PATZ1: variants seen among roughly 807,000 people sequenced by gnomAD.
The protein encoded by PATZ1 is POZ-, AT hook-, and zinc finger-containing protein 1.
A neutral mutation model predicts 46.2 loss-of-function variants in PATZ1; 9 were observed. The ratio of observed to expected loss-of-function variants is 0.19; its 90% CI spans 0.12 to 0.34. The LOEUF is 0.34. PATZ1 is among the 10% of genes least tolerant of loss of function. The pLI is 1.00. For missense variants in PATZ1, 632 were observed against 923.0 expected, an observed-to-expected ratio of 0.68 and a Z score of 4.08; for synonymous variants, 426 against 378.6, an observed-to-expected ratio of 1.13 and a Z score of -1.45.
chr22:31,331,115 T>TA (rs745554798), intron 3 of PATZ1, among the ~76,000 whole-genome samples: 8 of 152,190 alleles, frequency 5.3e-5, no homozygotes, highest in Non-Finnish European at 8.8e-5. Flanking sequence ...ATCATGGGTA[T>TA]AGATTGGTGT....
intron 3 of PATZ1, among the ~76,000 whole-genome samples, chr22:31,333,485 T>G (rs994887265): frequency 2.0e-5 from 3 of 148,432 alleles, no homozygotes; most frequent in African/African-American, 7.3e-5. Flanking sequence ...CCTTTTTTTT[T>G]TTTTTTTTTT....
At chr22:31,341,213 G>T in intron 2 of PATZ1, 1 of 1,326,454 alleles carries the variant, frequency 7.5e-7, no homozygotes, top group Non-Finnish European at 9.6e-7. Flanking sequence ...GATGCTATAG[G>T]GGGTTCCAGA....
At chr22:31,341,751 G>C (rs1273487097) in intron 2 of PATZ1, 1 of 1,427,550 alleles carries the variant, frequency 7.0e-7, no homozygotes, top group Non-Finnish European at 9.6e-7. Flanking sequence ...TGCCCTCTGG[G>C]CTCCTCCTAC....
intron 2 of PATZ1, among the ~76,000 whole-genome samples, chr22:31,342,156 G>A (rs931597046): frequency 6.6e-6 from 1 of 152,136 alleles, no homozygotes; most frequent in Non-Finnish European, 1.5e-5. Flanking sequence ...TATCCACACA[G>A]GAAGGCTCAG....
Position 31,340,074 on chromosome 22 carries a change from G to C in PATZ1, c.1335+2823C>G, listed in dbSNP as rs1242151243. ...AAGTGGAGCCCGTGGAAGCTAGGGAGGTCTGAGCTGCTCCAGCCTCTCAGC... is the reference window on the plus strand; with the variant it reads ...AAGTGGAGCCCGTGGAAGCTAGGGACGTCTGAGCTGCTCCAGCCTCTCAGC... On this transcript the variant is annotated intron_variant, in intron 2 of 4. Coordinates refer to ENST00000266269, the MANE Select transcript of PATZ1 (RefSeq NM_014323.3). Among the ~76,000 whole-genome samples, 5 of 152,128 alleles carry C rather than the reference G, an allele frequency of 3.3e-5. No individual in the cohort carries two copies. In the East Asian group the frequency reaches 7.7e-4, roughly 23 times the overall value.
rs117544183 is a variant in PATZ1, at chr22:31,344,578, G to A, written c.1025C>T (p.Pro342Leu). 1,007 of 1,614,212 alleles carry A rather than the reference G, an allele frequency of 6.2e-4. No homozygotes were observed. Among genetic ancestry groups the A allele is most frequent in the Non-Finnish European group, 8.1e-4 (957 of 1,180,040 alleles). ...GENGLPISED[P>L]DGPRKRSRTR... is the part of the protein sequence containing the mutation. ...CCGGCTCCTCTTTCGGGGGCCGTCG[G>A]GGTCTTCAGAGATGGGTAGCCCATT... Residue 342 changes from proline (P) to leucine (L), a missense_variant, in exon 1 of 5, where the codon CCC becomes CTC. Coordinates refer to ENST00000266269, the MANE Select transcript of PATZ1 (RefSeq NM_014323.3).
At position 31,341,693 on chromosome 22, in the gene PATZ1, G is replaced by C. The variant is rs751699451; in HGVS notation, c.1335+1204C>G. On this transcript the variant is annotated intron_variant, in intron 2 of 4. Transcript: ENST00000266269. The stretch of plus-strand genomic sequence containing the variant: ...TGCTCCCAACCCACACCTGGAAAAA[G>C]GGCAGAGAGTGCAGGTTACCCCCCC... The C allele has an allele frequency of 1.2e-5, 19 of 1,600,846 alleles. No homozygotes were observed. The highest frequency in any genetic ancestry group is 1.5e-5 in the Non-Finnish European group (18 of 1,173,290).
In PATZ1 at chr22:31,328,187, A is replaced by G. The variant is rs1479039278; in HGVS notation, c.1645+600T>C. ...GCAACGACAACGTGACATACCACAA[A>G]ACAACCTGAATCAACAAGTGAAGGT... On this transcript the variant is annotated intron_variant, in intron 4 of 4. Transcript: ENST00000266269. The surrounding 1 kb of genome is among the most constrained non-coding windows in gnomAD (Gnocchi z 4.8). 6.6e-6 allele frequency among the ~76,000 whole-genome samples: 1 copy of G among 152,200 alleles called. No individual in the cohort carries two copies. The highest frequency in any genetic ancestry group is 1.5e-5 in the Non-Finnish European group (1 of 68,040).
At chr22:31,337,371 G>C (rs2049524422) in intron 2 of PATZ1, among the ~76,000 whole-genome samples, 1 of 152,170 alleles carries the variant, frequency 6.6e-6, no homozygotes, top group South Asian at 2.1e-4. Flanking sequence ...CCCGGGGTTG[G>C]ATGAGTCAGG....
chr22:31,345,011 T>C lies in PATZ1; in HGVS notation c.592A>G (p.Asn198Asp), dbSNP rs1480048429. ...DMTNGAALAANSNGIAGSMQP... is the reference protein window; with the variant it reads ...DMTNGAALAADSNGIAGSMQP... ...ATGCTGCCGGCGATGCCATTGCTGT[T>C]GGCTGCCAAGGCTGCCCCGTTGGTC... is the stretch of plus-strand genomic sequence containing the variant. The change falls in exon 1 of 5, where the codon AAC becomes GAC. Residue 198 changes from asparagine to aspartate, a missense_variant. Asn to Asp is a conservative substitution (Grantham distance 23). Around this residue, in one of 7 missense-constraint regions of PATZ1, gnomAD observed 279 missense variants for 284.3 expected, o/e 0.98. Coordinates refer to ENST00000266269, the MANE Select transcript of PATZ1 (RefSeq NM_014323.3). The surrounding 1 kb of genome is among the most constrained non-coding windows in gnomAD (Gnocchi z 7.4). 1.2e-6 allele frequency: 2 copies of C among 1,614,100 alleles called. No homozygotes were observed. Among genetic ancestry groups the C allele is most frequent in the Non-Finnish European group, 8.5e-7 (1 of 1,180,038 alleles).
rs1480887923 is a variant in PATZ1, at chr22:31,327,971, A to C, written c.1646-662T>G. 1.3e-5 allele frequency among the ~76,000 whole-genome samples: 2 copies of C among 152,226 alleles called. No individual in the cohort carries two copies. The highest frequency in any genetic ancestry group is 4.8e-5 in the African/African-American group (2 of 41,466). ...GCTGGGTGTCCCCACCCTAGGCCCC[A>C]GACAAGCTGGGCCAAGAGACAACCC... On this transcript the variant is annotated intron_variant, in intron 4 of 4. Coordinates refer to ENST00000266269, the MANE Select transcript of PATZ1 (RefSeq NM_014323.3). This position sits in a 1 kb window ranked among gnomAD's most constrained non-coding sequence, Gnocchi z 4.2.
At chr22:31,342,641 C>G (rs1317844504) in intron 2 of PATZ1, among the ~76,000 whole-genome samples, 1 of 152,130 alleles carries the variant, frequency 6.6e-6, no homozygotes, top group Non-Finnish European at 1.5e-5. Flanking sequence ...GAAAGCCAAG[C>G]AACAGAGTGA....
intron 1 of PATZ1, among the ~76,000 whole-genome samples, chr22:31,343,801 G>A (rs1601498287): frequency 6.6e-6 from 1 of 152,210 alleles, no homozygotes; most frequent in Non-Finnish European, 1.5e-5. Flanking sequence ...CAGCAGCTCT[G>A]GGTGACCAGC....
rs1041171123 is a variant in PATZ1, at chr22:31,328,137, C to T, written c.1645+650G>A. 6.6e-6 allele frequency among the ~76,000 whole-genome samples: 1 copy of T among 152,182 alleles called. No homozygotes were observed. The highest frequency in any genetic ancestry group is 2.4e-5 in the African/African-American group (1 of 41,440). On this transcript the variant is annotated intron_variant, in intron 4 of 4. Transcript: ENST00000266269. This position sits in a 1 kb window ranked among gnomAD's most constrained non-coding sequence, Gnocchi z 4.8. ...CCATCTCTGCTGTTTCTACCATCTG[C>T]CAAGCCCCTGGCCTCATCCCCAAGG...
Position 31,345,637 on chromosome 22 carries a change from AC to A in PATZ1, c.-36del. On this transcript the variant is annotated 5_prime_UTR_variant, in exon 1 of 5. Transcript: ENST00000266269. The surrounding 1 kb of genome is among the most constrained non-coding windows in gnomAD (Gnocchi z 7.4). The stretch of plus-strand genomic sequence containing the variant: ...CCCCTCCCACTAGCCCGGCCGCTGC[AC>A]CTGCCCGCCCCCTCCCTTCCCCTCA... 6.5e-7 allele frequency: 1 copy of A among 1,544,220 alleles called. No individual in the cohort carries two copies. Among genetic ancestry groups the A allele is most frequent in the African/African-American group, 1.4e-5 (1 of 73,610 alleles).
chr22:31,336,296 T>A (rs1369772996), intron 2 of PATZ1, among the ~76,000 whole-genome samples: 4 of 152,214 alleles, frequency 2.6e-5, no homozygotes, highest in African/African-American at 9.7e-5. Flanking sequence ...TATCCCTGGG[T>A]TTCCCCTAGT....
rs1569022162 is a variant in PATZ1, at chr22:31,326,039, C to G, written c.*852G>C. 1 of 216,114 alleles carries G rather than the reference C, an allele frequency of 4.6e-6. No homozygotes were observed. Among genetic ancestry groups the G allele is most frequent in the African/African-American group, 2.3e-5 (1 of 44,362 alleles). 13.4% of individuals were successfully genotyped at this position (216,114 alleles called of 1,614,324 possible). ...CCATAGACTTCAAACAATCAACTAG[C>G]CAAGTTAATTATGGTACATCTAAAC... On this transcript the variant is annotated 3_prime_UTR_variant, in exon 5 of 5. Coordinates refer to ENST00000266269, the MANE Select transcript of PATZ1 (RefSeq NM_014323.3).
intron 2 of PATZ1, among the ~76,000 whole-genome samples, chr22:31,340,439 C>A (rs999684436): frequency 6.6e-6 from 1 of 152,202 alleles, no homozygotes; most frequent in African/African-American, 2.4e-5. Flanking sequence ...CCAACAGGTG[C>A]CCCTGCTGTT....
chr22:31,342,780 T>C, intron 2 of PATZ1, 117 bp downstream of exon 2: 2 of 1,033,174 alleles, frequency 1.9e-6, no homozygotes, highest in East Asian at 2.4e-5. Flanking sequence ...AGGGGAGGTG[T>C]GCAAAGCGGT....
Sources: gnomAD v4.1 joint callset for allele counts (sites outside exome capture counted in the v4.1 genomes callset) on GRCh38, gnomAD v4.1.1 for gene constraint, gnomAD v4.1.1 regional missense constraint, Gnocchi (gnomAD v3.1) non-coding constraint, MANE v1.5 for transcripts, NCBI Gene and HGNC (gene_info 2026-07-23, HGNC 2026-07-21) for gene names.